Variants in PCDHA8 observed in about 807,000 individuals in gnomAD.
The protein encoded by PCDHA8 is protocadherin alpha-8.
Under a neutral mutation model 61.8 loss-of-function variants are expected in PCDHA8, and 53 were observed. That is an observed-to-expected ratio of 0.86 (90% CI 0.69 to 1.08). PCDHA8 has a LOEUF of 1.08. Ranked by LOEUF, PCDHA8 falls within the 50% of genes least tolerant of loss-of-function variation. PCDHA8 has a pLI of 0.00. For synonymous variants in PCDHA8, 618 were observed against 556.6 expected (o/e 1.11, Z -1.55); for missense variants, 1,293 against 1,245.0 (o/e 1.04, Z -0.58).
intron 1 of PCDHA8, among the ~76,000 whole-genome samples, chr5:140,948,536 C>T (rs2094269261): frequency 6.6e-6 from 1 of 151,548 alleles, no homozygotes; most frequent in Admixed American, 6.6e-5. Context: ...TATTTTATTT[C>T]ATGCTCTGTC....
chr5:140,877,850 A>C (rs782804856), intron 1 of PCDHA8: 1 of 1,546,004 alleles, frequency 6.5e-7, no homozygotes, highest in South Asian at 1.3e-5. Context: ...GTAAGTTATT[A>C]ATATTATTTA....
At chr5:140,933,901 CAT>C (rs1354614736) in intron 1 of PCDHA8, among the ~76,000 whole-genome samples, 33 of 151,882 alleles carry the variant, frequency 2.2e-4, no homozygotes, top group African/African-American at 7.7e-4. Flanking sequence ...AATATTTTGG[CAT>C]AAAGTTGTTT....
intron 1 of PCDHA8, chr5:140,850,409 C>G: frequency 6.3e-7 from 1 of 1,597,868 alleles, no homozygotes; most frequent in South Asian, 1.1e-5. Flanking sequence ...GTGCCCTGGA[C>G]GAAACGGACG....
chr5:140,950,741 C>G (rs149114023), intron 1 of PCDHA8, among the ~76,000 whole-genome samples: 2,002 of 152,118 alleles, frequency 0.013, 30 homozygotes, highest in South Asian at 0.028. Context: ...ATCCTAATTT[C>G]TCTCTATCCT....
chr5:140,868,245 C>T (rs1264028092), intron 1 of PCDHA8: 1 of 152,002 alleles, frequency 6.6e-6, no homozygotes, highest in Non-Finnish European at 1.5e-5. Context: ...GATCAATAGA[C>T]TTTTCCTTTG....
At chr5:140,880,258 A>G (rs1278819523) in intron 1 of PCDHA8, among the ~76,000 whole-genome samples, 3 of 152,246 alleles carry the variant, frequency 2.0e-5, no homozygotes. Flanking sequence ...GTATGTATAC[A>G]TATTTTAGTT....
At chr5:140,916,550 A>G (rs1355799677) in intron 1 of PCDHA8, among the ~76,000 whole-genome samples, 5 of 152,052 alleles carry the variant, frequency 3.3e-5, no homozygotes, top group Admixed American at 1.3e-4. Flanking sequence ...TGGGTTTTCT[A>G]TTTGTCCAGG....
In PCDHA8 at chr5:140,863,566, A is replaced by G. The variant is rs1390955253; in HGVS notation, c.2394+19851A>G. The G allele has an allele frequency of 2.9e-5, 11 of 373,988 alleles. No individual in the cohort carries two copies. In the East Asian group the frequency reaches 4.0e-4, roughly 13 times the overall value. The allele number at this position is 373,988 out of a possible 1,614,324, so 23.2% of individuals were successfully genotyped here. A position where few individuals can be genotyped will look rare whatever the true frequency, so the allele number is the denominator to read the frequency against. On this transcript the variant is annotated intron_variant, in intron 1 of 3. Transcript: ENST00000531613. Reference sequence around the variant, plus strand: ...ACTTCAATAGGAAATTTTTGAGAATATAAGTACTGTAATCCTGGAAAGTAT... The same window carrying G: ...ACTTCAATAGGAAATTTTTGAGAATGTAAGTACTGTAATCCTGGAAAGTAT...
intron 3 of PCDHA8, among the ~76,000 whole-genome samples, chr5:141,000,419 ATATTTTT>A (rs1397100244): frequency 3.9e-4 from 24 of 60,984 alleles, no homozygotes; most frequent in African/African-American, 1.8e-3. Flanking sequence ...ATATATATAT[ATATTTTT>A]TTTTTTTTTT....
chr5:141,002,059 G>A (rs983772482), intron 3 of PCDHA8, among the ~76,000 whole-genome samples: 1 of 152,242 alleles, frequency 6.6e-6, no homozygotes, highest in Non-Finnish European at 1.5e-5. Flanking sequence ...AGAGGCAGCA[G>A]CAGCCGCCAG....
rs2096268798 is a variant in PCDHA8 at position 140,968,765 on chromosome 5, G to A, written c.2395-10184G>A. 8.1e-6 allele frequency: 13 copies of A among 1,614,078 alleles called. No homozygotes were observed. The East Asian group carries it at 2.2e-4, about 28-fold the overall frequency. On this transcript the variant is annotated intron_variant, in intron 1 of 3. Transcript: ENST00000531613. Reference sequence around the variant, plus strand: ...GACCGTGGTGGTCCGAGATAATGGAGAGCCATCACTATCAGCCTCTGTGGC... The same window carrying A: ...GACCGTGGTGGTCCGAGATAATGGAAAGCCATCACTATCAGCCTCTGTGGC...
intron 1 of PCDHA8, among the ~76,000 whole-genome samples, chr5:140,919,543 T>C (rs2079190617): frequency 6.6e-6 from 1 of 152,200 alleles, no homozygotes; most frequent in Non-Finnish European, 1.5e-5. Context: ...ATACTTTTCA[T>C]TTACTGATTT....
At chr5:140,869,419 C>T (rs782550413) in intron 1 of PCDHA8, 4 of 1,614,078 alleles carry the variant, frequency 2.5e-6, no homozygotes, top group Non-Finnish European at 3.4e-6. Context: ...CAGCATCCAC[C>T]TGGAGGTGAT....
At chr5:140,954,834 G>A (rs879960376) in intron 1 of PCDHA8, among the ~76,000 whole-genome samples, 1 of 152,154 alleles carries the variant, frequency 6.6e-6, no homozygotes, top group African/African-American at 2.4e-5. Context: ...CTTTTGTCAT[G>A]AAATCTTTGC....
At chr5:140,901,674 G>C (rs1387047115) in intron 1 of PCDHA8, among the ~76,000 whole-genome samples, 5 of 152,034 alleles carry the variant, frequency 3.3e-5, no homozygotes, top group African/African-American at 9.7e-5. Flanking sequence ...GATACCTTTA[G>C]GTATTATGGG....
At chr5:140,882,577 C>A (rs370671644) in intron 1 of PCDHA8, 3 of 1,614,238 alleles carry the variant, frequency 1.9e-6, no homozygotes, top group South Asian at 2.2e-5. Flanking sequence ...CGGAGTGCAG[C>A]ATCCACCTGG....
chr5:140,844,335 A>G lies in PCDHA8; in HGVS notation c.2394+620A>G, dbSNP rs1192632609. On this transcript the variant is annotated intron_variant, in intron 1 of 3. Transcript: ENST00000531613. The stretch of plus-strand genomic sequence containing the variant: ...TTCCTAATTTTATTATAAACTAGTT[A>G]AAAAGTAAAATCAAGAGGGAAGAGA... Among the ~76,000 whole-genome samples, 3 of 149,508 alleles carry G rather than the reference A, an allele frequency of 2.0e-5. No individual in the cohort carries two copies. In the South Asian group the frequency reaches 6.4e-4, roughly 32 times the overall value.
At chr5:140,888,700 T>C (rs534278841) in intron 1 of PCDHA8, among the ~76,000 whole-genome samples, 2 of 152,274 alleles carry the variant, frequency 1.3e-5, no homozygotes, top group Non-Finnish European at 2.9e-5. Flanking sequence ...CTCTGATTGG[T>C]AGGAATGTGA....
chr5:140,989,253 G>C (rs886150768), intron 3 of PCDHA8, among the ~76,000 whole-genome samples: 1 of 152,194 alleles, frequency 6.6e-6, no homozygotes, highest in Non-Finnish European at 1.5e-5. Flanking sequence ...CTTGTCAAAA[G>C]GGAGATTCAA....
Sources: allele counts gnomAD v4.1 joint callset (sites outside exome capture counted in the v4.1 genomes callset), GRCh38; gene constraint gnomAD v4.1.1; transcripts MANE v1.5; gene names NCBI Gene and HGNC (gene_info 2026-07-23, HGNC 2026-07-21).